SEPTIN14: variants seen among roughly 807,000 people sequenced by gnomAD.
SEPTIN14 encodes the protein septin 14.
In SEPTIN14, 40 loss-of-function variants were observed where a neutral mutation model predicts 53.6. The ratio of observed to expected loss-of-function variants is 0.75; its 90% CI spans 0.58 to 0.97. The LOEUF is 0.97. Ranked by LOEUF, SEPTIN14 falls within the 50% of genes least tolerant of loss-of-function variation. The pLI is 0.00. For missense variants in SEPTIN14, 471 were observed against 508.2 expected (o/e 0.93, Z 0.70); for synonymous variants, 138 against 166.8 (o/e 0.83, Z 1.33).
intron 7 of SEPTIN14, among the ~76,000 whole-genome samples, chr7:55,815,035 A>G (rs1281494708): frequency 7.2e-5 from 11 of 152,210 alleles, no homozygotes; most frequent in African/African-American, 1.7e-4. Context: ...AAGCACATAC[A>G]TTGGGGAAAG....
intron 7 of SEPTIN14, chr7:55,811,311 A>C (rs1788701796): frequency 5.9e-6 from 3 of 511,524 alleles, no homozygotes; most frequent in Non-Finnish European, 1.2e-5. Flanking sequence ...CTTGATTCGT[A>C]TTTCCACTTT....
At chr7:55,824,956 A>G (rs1003176475) in intron 6 of SEPTIN14, among the ~76,000 whole-genome samples, 16 of 152,170 alleles carry the variant, frequency 1.1e-4, no homozygotes, top group African/African-American at 3.9e-4. Flanking sequence ...TCGAAACTAA[A>G]CGTACTTTTA....
At chr7:55,849,852 T>G (rs1789489150) in intron 2 of SEPTIN14, among the ~76,000 whole-genome samples, 2 of 152,196 alleles carry the variant, frequency 1.3e-5, no homozygotes, top group Non-Finnish European at 2.9e-5. Flanking sequence ...ATTAGACTAC[T>G]GTGAACACAT....
intron 5 of SEPTIN14, among the ~76,000 whole-genome samples, chr7:55,835,180 A>C (rs1249371394): frequency 1.3e-5 from 2 of 151,426 alleles, no homozygotes; most frequent in African/African-American, 4.9e-5. Flanking sequence ...GGACAATGTA[A>C]ATTATTTTAT....
At chr7:55,811,881 C>T (rs998160752) in intron 7 of SEPTIN14, among the ~76,000 whole-genome samples, 39 of 151,946 alleles carry the variant, frequency 2.6e-4, no homozygotes, top group African/African-American at 9.2e-4. Context: ...GCCACCTCCG[C>T]CTCCCAGGTT....
chr7:55,809,252 G>C (rs1158405734), intron 7 of SEPTIN14, among the ~76,000 whole-genome samples: 2 of 151,498 alleles, frequency 1.3e-5, no homozygotes, highest in Non-Finnish European at 2.9e-5. Flanking sequence ...AGACACTGGG[G>C]CCTCCTTGAG....
rs556791443 is a variant in SEPTIN14, at chr7:55,859,931, G to A, written c.54+2012C>T. Reference sequence around the variant, plus strand: ...GTGATGGCTCACGCCTGTAATCCCAGCACTTTGGGAGGCTGAGGCGGGTGG... The same window carrying A: ...GTGATGGCTCACGCCTGTAATCCCAACACTTTGGGAGGCTGAGGCGGGTGG... On this transcript the variant is annotated intron_variant, in intron 2 of 9. Coordinates refer to ENST00000388975, the MANE Select transcript of SEPTIN14 (RefSeq NM_207366.3). 1.6e-4 allele frequency among the ~76,000 whole-genome samples: 25 copies of A among 152,332 alleles called. No individual in the cohort carries two copies. In the South Asian group the frequency reaches 3.1e-3, roughly 19 times the overall value.
intron 8 of SEPTIN14, among the ~76,000 whole-genome samples, chr7:55,806,194 C>A (rs933234295): frequency 6.6e-6 from 1 of 151,832 alleles, no homozygotes; most frequent in Non-Finnish European, 1.5e-5. Context: ...AGGGACGGAG[C>A]TTTACCATGT....
chr7:55,844,458 G>T, intron 4 of SEPTIN14, 65 bp downstream of exon 4: 1 of 835,532 alleles, frequency 1.2e-6, no homozygotes. Context: ...ATTAGTCTAT[G>T]GCAAAGGAAG....
rs574539127 is a variant in SEPTIN14 at position 55,821,251 on chromosome 7, A to G, written c.721-2028T>C. ...GGCCCTGACCATCCTTGCCTGGTTC[A>G]TGAGGCAGTGGCTCATTGTGTGGGG... On this transcript the variant is annotated intron_variant, in intron 6 of 9. Transcript: ENST00000388975. 1.2e-4 allele frequency among the ~76,000 whole-genome samples: 19 copies of G among 152,290 alleles called. 2 individuals carry two copies. In the South Asian group the frequency reaches 3.9e-3, roughly 32 times the overall value.
rs1788409794 is a variant in SEPTIN14, at chr7:55,795,278, C to T, written c.*635G>A. On this transcript the variant is annotated 3_prime_UTR_variant, in exon 10 of 10. Coordinates refer to ENST00000388975, the MANE Select transcript of SEPTIN14 (RefSeq NM_207366.3). ...TAAAAGTCACTACTGGATCCAAAAG[C>T]AGGACTATGGTAAATAAATTTCTCC... The T allele has an allele frequency of 6.6e-6, 1 of 152,250 alleles. No individual in the cohort carries two copies. Among genetic ancestry groups the T allele is most frequent in the African/African-American group, 2.4e-5 (1 of 41,420 alleles). 9.4% of individuals were successfully genotyped at this position (152,250 alleles called of 1,614,324 possible). A position where few individuals can be genotyped will look rare whatever the true frequency, so the allele number is the denominator to read the frequency against.
At chr7:55,825,477 G>A (rs532097389) in intron 6 of SEPTIN14, among the ~76,000 whole-genome samples, 1 of 152,232 alleles carries the variant, frequency 6.6e-6, no homozygotes, top group African/African-American at 2.4e-5. Flanking sequence ...AAACAATGAA[G>A]ACTGTTGTCA....
intron 6 of SEPTIN14, among the ~76,000 whole-genome samples, chr7:55,826,327 G>T (rs1788986370): frequency 6.6e-6 from 1 of 152,158 alleles, no homozygotes; most frequent in South Asian, 2.1e-4. Context: ...ATCACAAAGA[G>T]AATTTTGAAA....
At chr7:55,820,274 T>G (rs762300216) in intron 6 of SEPTIN14, among the ~76,000 whole-genome samples, 2 of 152,246 alleles carry the variant, frequency 1.3e-5, no homozygotes, top group Non-Finnish European at 2.9e-5. Flanking sequence ...GTGCTGAGAT[T>G]ACGGGCGTGA....
intron 9 of SEPTIN14, chr7:55,798,721 G>A: frequency 4.2e-6 from 1 of 240,782 alleles, no homozygotes. Flanking sequence ...GCCAGATCCT[G>A]GGCGAGTGGT....
intron 2 of SEPTIN14, among the ~76,000 whole-genome samples, chr7:55,849,934 T>C (rs73701166): frequency 0.013 from 1,954 of 152,052 alleles, 49 homozygotes; most frequent in African/African-American, 0.044. Flanking sequence ...ATAAATTTCA[T>C]TGGGAAAAAA....
chr7:55,817,167 T>G (rs1788806880), intron 7 of SEPTIN14, among the ~76,000 whole-genome samples: 1 of 152,094 alleles, frequency 6.6e-6, no homozygotes, highest in African/African-American at 2.4e-5. Context: ...CGCAATGGAA[T>G]TCAGCCTTAA....
At chr7:55,830,382 T>G in intron 6 of SEPTIN14, among the ~76,000 whole-genome samples, 1 of 133,074 alleles carries the variant, frequency 7.5e-6, no homozygotes, top group Non-Finnish European at 1.6e-5. Flanking sequence ...AGTCTCGCTC[T>G]GTCTACCAGG....
chr7:55,811,587 C>T (rs190491215), intron 7 of SEPTIN14, among the ~76,000 whole-genome samples: 12 of 149,754 alleles, frequency 8.0e-5, no homozygotes, highest in Non-Finnish European at 1.3e-4. Flanking sequence ...CTGCAACCTC[C>T]GCCTCCCAGG....
Sources: allele counts gnomAD v4.1 joint callset (sites outside exome capture counted in the v4.1 genomes callset), GRCh38; gene constraint gnomAD v4.1.1; transcripts MANE v1.5; gene names NCBI Gene and HGNC (gene_info 2026-07-23, HGNC 2026-07-21).